Variants in DOCK7 observed in about 807,000 individuals in gnomAD.
DOCK7 encodes dedicator of cytokinesis protein 7.
A neutral mutation model predicts 271.0 loss-of-function variants in DOCK7; 138 were observed. The observed-to-expected ratio is 0.51, with a 90% CI of 0.44 to 0.59. DOCK7 has a LOEUF of 0.59. DOCK7 is among the 20% of genes least tolerant of loss of function. The probability of loss-of-function intolerance (pLI) is 0.00; values close to 1 mark genes in which losing one functional copy is unlikely to be tolerated. For missense variants in DOCK7, 2,066 were observed against 2,592.4 expected (o/e 0.80, Z 4.41); for synonymous variants, 823 against 876.1 (o/e 0.94, Z 1.07).
intron 41 of DOCK7, among the ~76,000 whole-genome samples, chr1:62,489,479 T>C (rs1003148818): frequency 7.9e-5 from 12 of 152,150 alleles, no homozygotes; most frequent in Non-Finnish European, 1.5e-4. Flanking sequence ...ATAATACCAC[T>C]GAAATTTTTC....
Position 62,475,699 on chromosome 1 carries a change from G to T in DOCK7, c.5961+8C>A. On this transcript the variant is annotated splice_region_variant and intron_variant, in intron 46 of 49. Transcript: ENST00000635253. ...TCACTAATGCTGTTTGCCCATTAAT[G>T]GACTTACCTCTTCTTTATGAGTGAC... 6.2e-7 allele frequency: 1 copy of T among 1,611,706 alleles called. No homozygotes were observed. The highest frequency in any genetic ancestry group is 2.2e-5 in the East Asian group (1 of 44,844).
Position 62,505,665 on chromosome 1 carries a change from G to A in DOCK7, c.4611+17C>T. Reference sequence around the variant, plus strand: ...AAAAACAAAGTCTGACAACACTGCAGGTACAAAATAACCTACCTTTGAAAC... The same window carrying A: ...AAAAACAAAGTCTGACAACACTGCAAGTACAAAATAACCTACCTTTGAAAC... On this transcript the variant is annotated intron_variant, in intron 36 of 49. Transcript: ENST00000635253. The A allele has an allele frequency of 1.3e-6, 2 of 1,597,702 alleles. No homozygotes were observed. The highest frequency in any genetic ancestry group is 1.7e-6 in the Non-Finnish European group (2 of 1,175,002).
chr1:62,603,771 TA>T (rs1397461243), intron 14 of DOCK7, among the ~76,000 whole-genome samples: 1 of 151,922 alleles, frequency 6.6e-6, no homozygotes, highest in Non-Finnish European at 1.5e-5. Context: ...GTTATATTAA[TA>T]TTTTTAACAT....
chr1:62,624,096 C>T (rs945299207), intron 12 of DOCK7, among the ~76,000 whole-genome samples: 18 of 152,116 alleles, frequency 1.2e-4, no homozygotes, highest in African/African-American at 4.3e-4. Context: ...AATTTTCTCC[C>T]CATTCTTATA....
At chr1:62,514,042 C>T (rs1644584270) in intron 31 of DOCK7, 144 bp from the exon 32 acceptor site, 2 of 694,212 alleles carry the variant, frequency 2.9e-6, no homozygotes, top group Non-Finnish European at 4.6e-6. Context: ...TCAGACAACA[C>T]TTGTACAAAA....
chr1:62,566,907 A>G (rs1008758211), intron 18 of DOCK7, among the ~76,000 whole-genome samples: 2 of 152,256 alleles, frequency 1.3e-5, no homozygotes, highest in Non-Finnish European at 2.9e-5. Flanking sequence ...ACACTTCTCA[A>G]AAGAAGACAT....
At chr1:62,610,948 T>C (rs1171168165) in intron 14 of DOCK7, among the ~76,000 whole-genome samples, 1 of 152,254 alleles carries the variant, frequency 6.6e-6, no homozygotes, top group Non-Finnish European at 1.5e-5. Context: ...TATAGTAGAA[T>C]GATTTATAAT....
intron 47 of DOCK7, 123 bp downstream of exon 47, chr1:62,475,085 G>A: frequency 8.9e-7 from 1 of 1,128,150 alleles, no homozygotes; most frequent in Non-Finnish European, 1.2e-6. Context: ...CGCATAGGTA[G>A]AAAAATACAG....
At chr1:62,482,544 G>A (rs2149271663) in intron 43 of DOCK7, 1 of 152,242 alleles carries the variant, frequency 6.6e-6, no homozygotes, top group South Asian at 2.1e-4. Context: ...ATGTTGGTCA[G>A]GCTTAGGTGA....
chr1:62,513,927 A>G (rs767982800), intron 31 of DOCK7, 29 bp from the exon 32 acceptor site: 2 of 1,573,500 alleles, frequency 1.3e-6, no homozygotes, highest in Non-Finnish European at 1.7e-6. Context: ...AGAATGAGAC[A>G]GATTGATCAA....
At chr1:62,559,409 A>C (rs2149439993) in intron 19 of DOCK7, among the ~76,000 whole-genome samples, 189 bp from the exon 20 acceptor site, 2 of 152,166 alleles carry the variant, frequency 1.3e-5, no homozygotes, top group Non-Finnish European at 2.9e-5. Flanking sequence ...CACTTCAAAT[A>C]CTATTAGTTA....
At position 62,642,137 on chromosome 1, in the gene DOCK7, C is replaced by T. The variant is rs146506790; in HGVS notation, c.819-5534G>A. Among the ~76,000 whole-genome samples, 960 of 146,914 alleles carry T rather than the reference C, an allele frequency of 6.5e-3. 11 individuals are homozygous for T. The highest frequency in any genetic ancestry group is 0.048 in the East Asian group (241 of 5,048). On this transcript the variant is annotated intron_variant, in intron 7 of 49. Coordinates refer to ENST00000635253, the MANE Select transcript of DOCK7 (RefSeq NM_001367561.1). ...TCTTTTTTTTTTTTTGAGACGGAGT[C>T]TTGCTCTGTCACCCAGGCTGGAGTG... is the stretch of plus-strand genomic sequence containing the variant.
At chr1:62,492,101 C>T (rs772493993) in intron 41 of DOCK7, among the ~76,000 whole-genome samples, 2 of 151,956 alleles carry the variant, frequency 1.3e-5, no homozygotes, top group Non-Finnish European at 2.9e-5. Flanking sequence ...CCCCTGTATT[C>T]CCAGCTACCC....
intron 19 of DOCK7, among the ~76,000 whole-genome samples, chr1:62,559,880 T>C (rs1033197070): frequency 6.6e-5 from 10 of 152,230 alleles, no homozygotes; most frequent in Non-Finnish European, 1.0e-4. Context: ...CAAAACAATA[T>C]GGTATAAGCT....
At position 62,573,256 on chromosome 1, in the gene DOCK7, G is replaced by A. The variant is rs140434536; in HGVS notation, c.2112+4006C>T. ...AGGGCTGGAGGCAGAAAAAAGCTTGGAAGAAGCTGTCAGTGCAGAGAGAAA... is the reference window on the plus strand; with the variant it reads ...AGGGCTGGAGGCAGAAAAAAGCTTGAAAGAAGCTGTCAGTGCAGAGAGAAA... On this transcript the variant is annotated intron_variant, in intron 18 of 49. Coordinates refer to ENST00000635253, the MANE Select transcript of DOCK7 (RefSeq NM_001367561.1). 1.5e-3 allele frequency among the ~76,000 whole-genome samples: 229 copies of A among 152,330 alleles called. 2 individuals carry two copies. Among genetic ancestry groups the A allele is most frequent in the African/African-American group, 4.8e-3 (198 of 41,570 alleles).
intron 1 of DOCK7, among the ~76,000 whole-genome samples, chr1:62,683,278 G>A (rs924965371): frequency 6.6e-6 from 1 of 152,172 alleles, no homozygotes; most frequent in Admixed American, 6.5e-5. Flanking sequence ...TATGTGTTCC[G>A]CAAGATAAAA....
intron 22 of DOCK7, among the ~76,000 whole-genome samples, 160 bp from the exon 23 acceptor site, chr1:62,545,199 A>G (rs1645662888): frequency 6.6e-6 from 1 of 152,210 alleles, no homozygotes; most frequent in African/African-American, 2.4e-5. Context: ...GTATTAGTTC[A>G]TCAAAATTAT....
intron 14 of DOCK7, among the ~76,000 whole-genome samples, chr1:62,590,163 G>A (rs946021223): frequency 5.9e-5 from 9 of 152,266 alleles, no homozygotes; most frequent in African/African-American, 2.2e-4. Context: ...TTAGCAAAAT[G>A]AAAGTCACTG....
chr1:62,619,119 A>C (rs1447944964), intron 13 of DOCK7, among the ~76,000 whole-genome samples: 1 of 152,176 alleles, frequency 6.6e-6, no homozygotes, highest in East Asian at 1.9e-4. Flanking sequence ...ATGGGAATGA[A>C]GGAAGGAAGA....
Sources: gnomAD v4.1 joint callset for allele counts (sites outside exome capture counted in the v4.1 genomes callset) on GRCh38, gnomAD v4.1.1 for gene constraint, MANE v1.5 for transcripts, NCBI Gene and HGNC (gene_info 2026-07-23, HGNC 2026-07-21) for gene names.